Variants in NPAS3 observed in about 807,000 individuals in gnomAD.
NPAS3 encodes the protein neuronal PAS domain-containing protein 3.
In NPAS3, 14 loss-of-function variants were observed where a neutral mutation model predicts 73.1. That is an observed-to-expected ratio of 0.19 (90% CI 0.13 to 0.30). NPAS3 has a LOEUF of 0.30. Among genes scored for constraint, NPAS3 ranks in the 10% least tolerant of loss-of-function variants. NPAS3 has a pLI of 1.00. For missense variants in NPAS3, 1,096 were observed against 1,250.0 expected (o/e 0.88, Z 1.86); for synonymous variants, 620 against 541.5 (o/e 1.14, Z -2.01).
At chr14:33,362,189 A>G (rs2140395981) in intron 3 of NPAS3, among the ~76,000 whole-genome samples, 1 of 152,300 alleles carries the variant, frequency 6.6e-6, no homozygotes, top group Admixed American at 6.5e-5. Flanking sequence ...CAAACCTGAA[A>G]ATCTCCCAGT....
intron 7 of NPAS3, among the ~76,000 whole-genome samples, chr14:33,755,493 C>T (rs2062087623): frequency 6.6e-6 from 1 of 152,092 alleles, no homozygotes; most frequent in Non-Finnish European, 1.5e-5. Context: ...GACGCCATCC[C>T]TGCCGTGGGG....
intron 2 of NPAS3, among the ~76,000 whole-genome samples, chr14:33,122,661 CT>C (rs1478180055): frequency 6.6e-6 from 1 of 152,058 alleles, no homozygotes; most frequent in Non-Finnish European, 1.5e-5. Flanking sequence ...TATTTTTTTA[CT>C]TCATGCCAGG....
At chr14:33,562,945 C>G (rs1202553888) in intron 5 of NPAS3, among the ~76,000 whole-genome samples, 1 of 148,590 alleles carries the variant, frequency 6.7e-6, no homozygotes, top group Non-Finnish European at 1.5e-5. Flanking sequence ...ACCAAATGCT[C>G]TGCTTGTATG....
chr14:33,432,461 A>G (rs746858458), intron 4 of NPAS3, among the ~76,000 whole-genome samples: 6 of 152,162 alleles, frequency 3.9e-5, no homozygotes, highest in Non-Finnish European at 8.8e-5. Flanking sequence ...TGAAATTACA[A>G]TCTCTAGGAA....
chr14:33,417,231 C>T (rs963437383), intron 4 of NPAS3, among the ~76,000 whole-genome samples: 1 of 151,986 alleles, frequency 6.6e-6, no homozygotes, highest in Non-Finnish European at 1.5e-5. Context: ...GGAAAATCCT[C>T]AAAAATCACT....
intron 6 of NPAS3, among the ~76,000 whole-genome samples, chr14:33,693,714 T>C (rs1232501578): frequency 6.6e-6 from 1 of 152,206 alleles, no homozygotes; most frequent in Non-Finnish European, 1.5e-5. Flanking sequence ...TGCACTAAAA[T>C]TGATAGTTAA....
chr14:33,679,766 T>C (rs1434701475), intron 6 of NPAS3, among the ~76,000 whole-genome samples: 3 of 152,178 alleles, frequency 2.0e-5, no homozygotes, highest in Admixed American at 6.5e-5. Context: ...TATGCCACAA[T>C]AGGAATTCTG....
intron 3 of NPAS3, among the ~76,000 whole-genome samples, chr14:33,266,352 T>C (rs1016343778): frequency 1.1e-4 from 16 of 152,176 alleles, no homozygotes; most frequent in Non-Finnish European, 1.9e-4. Flanking sequence ...ATTATCCTTC[T>C]TGTAGGAGAC....
At chr14:33,526,759 C>T (rs531522422) in intron 4 of NPAS3, among the ~76,000 whole-genome samples, 13 of 152,210 alleles carry the variant, frequency 8.5e-5, no homozygotes, top group African/African-American at 3.1e-4. Context: ...AATTTAGCCT[C>T]GGCAGAGCCA....
chr14:33,274,363 T>C (rs2041234631), intron 3 of NPAS3, among the ~76,000 whole-genome samples: 1 of 152,204 alleles, frequency 6.6e-6, no homozygotes, highest in Non-Finnish European at 1.5e-5. Context: ...AAGGTAAACA[T>C]GTCCGTGAAC....
chr14:33,721,471 C>A (rs1432561822), intron 6 of NPAS3, among the ~76,000 whole-genome samples: 2 of 151,948 alleles, frequency 1.3e-5, no homozygotes, highest in Non-Finnish European at 2.9e-5. Flanking sequence ...TTTTAGCATG[C>A]GTAATTTTAA....
At chr14:33,708,938 C>T (rs796612931) in intron 6 of NPAS3, among the ~76,000 whole-genome samples, 31 of 152,268 alleles carry the variant, frequency 2.0e-4, no homozygotes, top group African/African-American at 7.2e-4. Context: ...ACCTGAGCAC[C>T]TCAGTATTTC....
At chr14:33,270,070 G>A (rs952805693) in intron 3 of NPAS3, among the ~76,000 whole-genome samples, 1 of 152,050 alleles carries the variant, frequency 6.6e-6, no homozygotes, top group African/African-American at 2.4e-5. Flanking sequence ...CTGATCCCAT[G>A]GGGAGCTCTG....
chr14:33,701,194 C>T (rs1595465676), intron 6 of NPAS3, among the ~76,000 whole-genome samples: 1 of 152,192 alleles, frequency 6.6e-6, no homozygotes, highest in East Asian at 1.9e-4. Context: ...CAAATACATG[C>T]TCATGTTTGT....
chr14:33,394,920 G>A (rs974077257), intron 4 of NPAS3, among the ~76,000 whole-genome samples: 4 of 152,144 alleles, frequency 2.6e-5, no homozygotes, highest in African/African-American at 9.7e-5. Flanking sequence ...ATGGTGATGG[G>A]AGTGGAGGAG....
At chr14:33,268,036 A>AT (rs201537414) in intron 3 of NPAS3, among the ~76,000 whole-genome samples, 31 of 151,574 alleles carry the variant, frequency 2.0e-4, no homozygotes, top group African/African-American at 5.6e-4. Context: ...ATTCTTCTTG[A>AT]TTTTTTTTTC....
At position 33,044,658 on chromosome 14, in the gene NPAS3, T is replaced by G. The variant is rs146590078; in HGVS notation, c.51-11247T>G. ...ATTCTAAGAGTGAGTTAGTTTGTTT[T>G]TTTTTTTTTTGGCGGGGAGGGCAGA... On this transcript the variant is annotated intron_variant, in intron 1 of 11. Coordinates refer to ENST00000356141, the Ensembl canonical transcript of NPAS3. Among the ~76,000 whole-genome samples the G allele has an allele frequency of 8.8e-3, 1,339 of 151,984 alleles. 64 individuals are homozygous for G. Among genetic ancestry groups the G allele is most frequent in the Admixed American group, 0.081 (1,231 of 15,236 alleles).
chr14:32,983,934 C>G (rs1326716392), intron 1 of NPAS3, among the ~76,000 whole-genome samples: 1 of 152,168 alleles, frequency 6.6e-6, no homozygotes, highest in African/African-American at 2.4e-5. Context: ...GTTGGCCAGG[C>G]TGGTCTCGAA....
At chr14:33,667,912 T>A (rs2059500858) in intron 5 of NPAS3, among the ~76,000 whole-genome samples, 1 of 152,190 alleles carries the variant, frequency 6.6e-6, no homozygotes, top group Non-Finnish European at 1.5e-5. Flanking sequence ...TCCAAGATTT[T>A]TTTTTTAATT....
Sources: allele counts gnomAD v4.1 joint callset (sites outside exome capture counted in the v4.1 genomes callset), GRCh38; gene constraint gnomAD v4.1.1; transcripts MANE v1.5; gene names NCBI Gene and HGNC (gene_info 2026-07-23, HGNC 2026-07-21).